The following GRIP1 variants were observed in gnomAD, a reference collection of about 807,000 sequenced individuals.
GRIP1 encodes glutamate receptor interacting protein 1.
A neutral mutation model predicts 129.9 loss-of-function variants in GRIP1; 45 were observed. That is an observed-to-expected ratio of 0.35 (90% confidence interval 0.27 to 0.44). The LOEUF is 0.44. Ranked by LOEUF, GRIP1 falls within the 20% of genes least tolerant of loss-of-function variation. The probability of loss-of-function intolerance (pLI) is 1.00; values close to 1 mark genes in which losing one functional copy is unlikely to be tolerated. For synonymous variants in GRIP1, 530 were observed against 520.8 expected (o/e 1.02, Z -0.24); for missense variants, 1,196 against 1,396.8 (o/e 0.86, Z 2.29).
At chr12:67,006,629 C>T (rs2042631096) in intron 1 of GRIP1, among the ~76,000 whole-genome samples, 1 of 152,116 alleles carries the variant, frequency 6.6e-6, no homozygotes, top group Non-Finnish European at 1.5e-5. Flanking sequence ...CATTGACAGC[C>T]TTCATCTGAG....
intron 7 of GRIP1, among the ~76,000 whole-genome samples, chr12:66,482,022 G>A (rs12321126): frequency 0.64 from 96,984 of 151,764 alleles, 31,418 homozygotes; most frequent in Middle Eastern, 0.78. Flanking sequence ...GGGTGCAGCA[G>A]ACCACCATGG....
intron 1 of GRIP1, among the ~76,000 whole-genome samples, chr12:66,862,402 T>A (rs536352325): frequency 2.1e-4 from 32 of 152,182 alleles, no homozygotes; most frequent in Non-Finnish European, 3.4e-4. Flanking sequence ...ATGGAATACT[T>A]CTTGGAGGCC....
chr12:66,546,725 C>A (rs7307872), intron 2 of GRIP1, among the ~76,000 whole-genome samples: 2,818 of 152,170 alleles, frequency 0.019, 85 homozygotes, highest in African/African-American at 0.065. Flanking sequence ...GAGTTTCACA[C>A]CTTGTATAAA....
intron 7 of GRIP1, among the ~76,000 whole-genome samples, chr12:66,499,697 T>A (rs1023229044): frequency 6.6e-6 from 1 of 152,094 alleles, no homozygotes; most frequent in Non-Finnish European, 1.5e-5. Context: ...TTTAGCTGGG[T>A]TTACCAGGAT....
chr12:66,424,636 G>C (rs1482658031), intron 14 of GRIP1, among the ~76,000 whole-genome samples: 1 of 152,006 alleles, frequency 6.6e-6, no homozygotes, highest in Non-Finnish European at 1.5e-5. Context: ...ATTTATTTTA[G>C]CATGACTATG....
Position 66,699,285 on chromosome 12 carries a change from T to C in GRIP1, c.-419-68949A>G, listed in dbSNP as rs115615718. ...CTTCTGTGGTTCAATAACTAACATT[T>C]CTTCTTTCTTATCAAAGGTCAGAAA... is the stretch of plus-strand genomic sequence containing the variant. On this transcript the variant is annotated intron_variant, in intron 1 of 4. Transcript: ENST00000538373. Among the ~76,000 whole-genome samples, 1,008 of 152,332 alleles carry C rather than the reference T, an allele frequency of 6.6e-3. 17 individuals carry two copies. Among genetic ancestry groups the C allele is most frequent in the African/African-American group, 0.023 (941 of 41,568 alleles).
rs965586651 is a variant in GRIP1 at position 66,582,598 on chromosome 12, C to G, written c.136+14249G>C. Among the ~76,000 whole-genome samples, 3 of 137,564 alleles carry G rather than the reference C, an allele frequency of 2.2e-5. 1 individual carries two copies. Among genetic ancestry groups the G allele is most frequent in the Non-Finnish European group, 4.8e-5 (3 of 62,218 alleles). 90.2% of individuals were successfully genotyped at this position (137,564 alleles called of 152,430 possible). On this transcript the variant is annotated intron_variant, in intron 2 of 24. Transcript: ENST00000359742. ...TCAACGTACAAAAATCACAAGCATT[C>G]TTATACACCAATAACAGACAAACAG... is the stretch of plus-strand genomic sequence containing the variant.
chr12:66,862,044 G>A (rs2040121558), intron 1 of GRIP1, among the ~76,000 whole-genome samples: 1 of 152,092 alleles, frequency 6.6e-6, no homozygotes, highest in African/African-American at 2.4e-5. Flanking sequence ...TTAGGCAGAT[G>A]TGTGGATTTA....
chr12:66,577,781 A>G (rs1282420701), intron 2 of GRIP1, among the ~76,000 whole-genome samples: 1 of 152,020 alleles, frequency 6.6e-6, no homozygotes, highest in East Asian at 1.9e-4. Flanking sequence ...AAGATTGTGT[A>G]CCTACAAAAA....
chr12:66,856,614 A>G (rs2040009543), intron 1 of GRIP1, among the ~76,000 whole-genome samples: 1 of 151,900 alleles, frequency 6.6e-6, no homozygotes, highest in Non-Finnish European at 1.5e-5. Flanking sequence ...CAACAGACCC[A>G]TGAAAAAATG....
chr12:66,839,821 C>T lies in GRIP1; in HGVS notation c.58+229229G>A, dbSNP rs73132982. ...AATGGCACTTACTCTGTGCAAGGCA[C>T]TCTGCTAAGCGCTTCAGATTAACAG... On this transcript the variant is annotated intron_variant, in intron 1 of 1. Coordinates refer to the GRIP1 transcript ENST00000643019. Among the ~76,000 whole-genome samples the T allele has an allele frequency of 4.2e-3, 646 of 152,336 alleles. 1 individual carries two copies. Among genetic ancestry groups the T allele is most frequent in the African/African-American group, 0.015 (621 of 41,574 alleles).
chr12:67,066,488 T>C (rs971906693), intron 1 of GRIP1, among the ~76,000 whole-genome samples: 1 of 152,184 alleles, frequency 6.6e-6, no homozygotes, highest in African/African-American at 2.4e-5. Context: ...AATGTTTACA[T>C]GTAGATTGGG....
At chr12:66,711,599 T>G (rs1223602242) in intron 1 of GRIP1, among the ~76,000 whole-genome samples, 1 of 151,862 alleles carries the variant, frequency 6.6e-6, no homozygotes, top group Non-Finnish European at 1.5e-5. Context: ...GCTTTGGGAT[T>G]TTTTCTTGGT....
chr12:66,395,907 A>C (rs2056768660), intron 16 of GRIP1, among the ~76,000 whole-genome samples: 2 of 152,228 alleles, frequency 1.3e-5, no homozygotes, highest in South Asian at 4.1e-4. Context: ...CTCCAGAGAG[A>C]AACATCAAGA....
intron 1 of GRIP1, among the ~76,000 whole-genome samples, chr12:66,692,051 A>G (rs1032429239): frequency 1.3e-5 from 2 of 152,176 alleles, no homozygotes; most frequent in African/African-American, 4.8e-5. Context: ...TTTGGAGTAG[A>G]TTTATACCCT....
chr12:66,467,768 C>A (rs1427031838), intron 7 of GRIP1, among the ~76,000 whole-genome samples: 1 of 152,234 alleles, frequency 6.6e-6, no homozygotes. Context: ...CTCACATGAG[C>A]TCTGGCCTAC....
chr12:67,027,785 G>A (rs2135765144), intron 1 of GRIP1, among the ~76,000 whole-genome samples: 2 of 152,304 alleles, frequency 1.3e-5, no homozygotes, highest in Non-Finnish European at 2.9e-5. Context: ...AGAAGGCATG[G>A]CATGACAAGA....
At chr12:66,688,479 G>C (rs1342233854) in intron 1 of GRIP1, among the ~76,000 whole-genome samples, 1 of 152,072 alleles carries the variant, frequency 6.6e-6, no homozygotes, top group Non-Finnish European at 1.5e-5. Context: ...AGGCTCCAGA[G>C]TCCATTCCAT....
chr12:66,831,487 C>T (rs1199219893), intron 1 of GRIP1, among the ~76,000 whole-genome samples: 2 of 152,146 alleles, frequency 1.3e-5, no homozygotes, highest in African/African-American at 2.4e-5. Context: ...TATGTTGGCC[C>T]AATCAAGTTC....
Sources: gnomAD v4.1 joint callset for allele counts (sites outside exome capture counted in the v4.1 genomes callset) on GRCh38, gnomAD v4.1.1 for gene constraint, MANE v1.5 for transcripts, NCBI Gene and HGNC (gene_info 2026-07-23, HGNC 2026-07-21) for gene names.